The following TSPAN18 variants were observed in gnomAD, a reference collection of about 807,000 sequenced individuals.
TSPAN18 encodes tetraspanin-18.
TSPAN18 carries 14 observed loss-of-function variants against 27.3 expected under a neutral mutation model. That is an observed-to-expected ratio of 0.51 (90% CI 0.34 to 0.80). The LOEUF (loss-of-function observed/expected upper bound fraction) is 0.80. Among genes scored for constraint, TSPAN18 ranks in the 30% least tolerant of loss-of-function variants. The pLI is 0.01. For synonymous variants in TSPAN18, 143 were observed against 136.5 expected, an observed-to-expected ratio of 1.05 and a Z score of -0.33; for missense variants, 268 against 323.9, an observed-to-expected ratio of 0.83 and a Z score of 1.32.
chr11:44,802,923 G>C (rs2135074039), intron 2 of TSPAN18, among the ~76,000 whole-genome samples: 1 of 152,282 alleles, frequency 6.6e-6, no homozygotes, highest in South Asian at 2.1e-4. Flanking sequence ...AGGTGCACCA[G>C]CTCCAAGATG....
At chr11:44,919,014 A>G (rs968678716) in intron 6 of TSPAN18, among the ~76,000 whole-genome samples, 200 bp from the exon 7 acceptor site, 3 of 151,898 alleles carry the variant, frequency 2.0e-5, no homozygotes, top group African/African-American at 7.3e-5. Context: ...GTGCATGTGT[A>G]TGGACTTCCT....
chr11:44,801,447 C>G (rs750909752), intron 2 of TSPAN18, among the ~76,000 whole-genome samples: 41 of 152,140 alleles, frequency 2.7e-4, no homozygotes, highest in Non-Finnish European at 5.0e-4. Flanking sequence ...TCCTTATCTG[C>G]CAGCACAGAG....
chr11:44,906,549 C>T (rs562121277), intron 4 of TSPAN18, 70 bp downstream of exon 4: 113 of 1,424,618 alleles, frequency 7.9e-5, no homozygotes, highest in Middle Eastern at 1.9e-4. Flanking sequence ...GAAATAGTCA[C>T]ACTGGGCTGA....
intron 2 of TSPAN18, among the ~76,000 whole-genome samples, chr11:44,790,194 TGC>T (rs1856164317): frequency 6.6e-6 from 1 of 150,756 alleles, no homozygotes; most frequent in Non-Finnish European, 1.5e-5. Flanking sequence ...TATGTGTGTG[TGC>T]ATGTGTCTGT....
intron 2 of TSPAN18, among the ~76,000 whole-genome samples, chr11:44,796,331 T>C (rs1187238330): frequency 6.6e-6 from 1 of 152,188 alleles, no homozygotes; most frequent in Non-Finnish European, 1.5e-5. Context: ...GTTTTTACGA[T>C]GTTTTTGCTG....
chr11:44,731,293 G>A (rs1010323002), intron 1 of TSPAN18, among the ~76,000 whole-genome samples: 4 of 152,166 alleles, frequency 2.6e-5, no homozygotes, highest in Non-Finnish European at 5.9e-5. Flanking sequence ...GTGCGTGGTG[G>A]TTAAACTGCC....
At chr11:44,770,633 CAA>C (rs764853308) in intron 2 of TSPAN18, among the ~76,000 whole-genome samples, 16 of 152,100 alleles carry the variant, frequency 1.1e-4, no homozygotes, top group Non-Finnish European at 2.2e-4. Context: ...AAGAAAGAGA[CAA>C]GATGAAATTT....
intron 2 of TSPAN18, among the ~76,000 whole-genome samples, chr11:44,852,073 A>T (rs1212766321): frequency 2.6e-5 from 4 of 152,182 alleles, no homozygotes; most frequent in Non-Finnish European, 5.9e-5. Context: ...TGAATGAATG[A>T]TGAATATCAC....
In TSPAN18 at chr11:44,727,565, G is replaced by A. The variant is rs571303584; in HGVS notation, c.-240+278G>A. On this transcript the variant is annotated intron_variant, in intron 1 of 9. Transcript: ENST00000520358. ...GGTGCAGAGCCGGTGGGCTCCCAGT[G>A]CTCCGGGTGGAGGAGTGGGGGCTTC... 3.1e-3 allele frequency among the ~76,000 whole-genome samples: 468 copies of A among 152,210 alleles called. 2 individuals carry two copies. Among genetic ancestry groups the A allele is most frequent in the Non-Finnish European group, 4.9e-3 (332 of 67,994 alleles).
intron 2 of TSPAN18, among the ~76,000 whole-genome samples, chr11:44,788,347 C>T (rs866245390): frequency 4.6e-5 from 7 of 152,136 alleles, no homozygotes; most frequent in Non-Finnish European, 7.3e-5. Context: ...CTAGTGCAAC[C>T]GAGGGACTAG....
intron 3 of TSPAN18, among the ~76,000 whole-genome samples, chr11:44,882,739 T>C (rs1858531253): frequency 6.6e-6 from 1 of 151,994 alleles, no homozygotes; most frequent in Non-Finnish European, 1.5e-5. Context: ...GCCTGGCACA[T>C]GGGACTCAAG....
chr11:44,812,706 G>C (rs1422569521), intron 2 of TSPAN18, among the ~76,000 whole-genome samples: 1 of 152,156 alleles, frequency 6.6e-6, no homozygotes, highest in East Asian at 1.9e-4. Context: ...CACAGACCAG[G>C]TTCATGAAAT....
At chr11:44,895,826 G>A (rs890929208) in intron 3 of TSPAN18, among the ~76,000 whole-genome samples, 1 of 152,178 alleles carries the variant, frequency 6.6e-6, no homozygotes, top group African/African-American at 2.4e-5. Context: ...ACCAGGACTG[G>A]GATGCAGCAG....
chr11:44,826,978 A>C (rs907626424), intron 2 of TSPAN18, among the ~76,000 whole-genome samples: 1 of 152,198 alleles, frequency 6.6e-6, no homozygotes, highest in Admixed American at 6.5e-5. Flanking sequence ...TGTCTTCTAC[A>C]TGTGAAGGCA....
chr11:44,742,524 G>C (rs186601896), intron 1 of TSPAN18, among the ~76,000 whole-genome samples: 28 of 152,202 alleles, frequency 1.8e-4, no homozygotes, highest in African/African-American at 6.5e-4. Context: ...AGTGCACAGT[G>C]GACTGGTCTG....
intron 2 of TSPAN18, among the ~76,000 whole-genome samples, chr11:44,855,318 C>T (rs1161342808): frequency 6.6e-6 from 1 of 152,160 alleles, no homozygotes; most frequent in African/African-American, 2.4e-5. Flanking sequence ...TAACTTGCTT[C>T]TCCTGTGATT....
chr11:44,735,904 A>G (rs886900732), intron 1 of TSPAN18, among the ~76,000 whole-genome samples: 3 of 152,114 alleles, frequency 2.0e-5, no homozygotes, highest in Admixed American at 6.6e-5. Flanking sequence ...GGCGTGAGCC[A>G]CCAGCGCCCA....
At chr11:44,741,834 T>C (rs1854943390) in intron 1 of TSPAN18, among the ~76,000 whole-genome samples, 2 of 152,254 alleles carry the variant, frequency 1.3e-5, no homozygotes, top group Admixed American at 6.5e-5. Context: ...GTGCCTAGCC[T>C]GGTGCTGGGC....
At chr11:44,862,263 A>G (rs374248584) in intron 3 of TSPAN18, among the ~76,000 whole-genome samples, 23 of 152,326 alleles carry the variant, frequency 1.5e-4, no homozygotes, top group African/African-American at 5.5e-4. Flanking sequence ...TCTGTCCTAC[A>G]TTTAGGGTGC....
Sources: allele counts gnomAD v4.1 joint callset (sites outside exome capture counted in the v4.1 genomes callset), GRCh38; gene constraint gnomAD v4.1.1; transcripts MANE v1.5; gene names NCBI Gene and HGNC (gene_info 2026-07-23, HGNC 2026-07-21).